NMNAT2: variants seen among roughly 807,000 people sequenced by gnomAD.
The protein encoded by NMNAT2 is nicotinamide/nicotinic acid mononucleotide adenylyltransferase 2.
NMNAT2 carries 11 observed loss-of-function variants against 41.6 expected under a neutral mutation model. That is an observed-to-expected ratio of 0.26 (90% CI 0.17 to 0.44). The LOEUF (loss-of-function observed/expected upper bound fraction) is 0.44. Among genes scored for constraint, NMNAT2 ranks in the 20% least tolerant of loss-of-function variants. The pLI, the probability that NMNAT2 is intolerant of heterozygous loss-of-function variation, is 1.00. For missense variants in NMNAT2, 288 were observed against 407.7 expected (o/e 0.71, Z 2.53); for synonymous variants, 148 against 151.2 (o/e 0.98, Z 0.16).
chr1:183,292,339 T>G (rs1661564940), intron 3 of NMNAT2, among the ~76,000 whole-genome samples: 1 of 152,234 alleles, frequency 6.6e-6, no homozygotes, highest in Non-Finnish European at 1.5e-5. Flanking sequence ...GGCCCGCACC[T>G]GTCTCCTGGG....
At chr1:183,303,810 G>C (rs949569102) in intron 1 of NMNAT2, among the ~76,000 whole-genome samples, 1 of 152,220 alleles carries the variant, frequency 6.6e-6, no homozygotes, top group South Asian at 2.1e-4. Context: ...GACCACAGGA[G>C]CCTACCATGC....
intron 1 of NMNAT2, among the ~76,000 whole-genome samples, chr1:183,342,987 C>T (rs1662852286): frequency 6.6e-6 from 1 of 151,996 alleles, no homozygotes; most frequent in African/African-American, 2.4e-5. Flanking sequence ...ATCCTCCCAC[C>T]TCAACCTCCC....
chr1:183,291,287 A>G (rs1309976845), intron 3 of NMNAT2, among the ~76,000 whole-genome samples: 5 of 151,888 alleles, frequency 3.3e-5, no homozygotes, highest in African/African-American at 9.7e-5. Context: ...CCCACCACAT[A>G]CACATGCCTA....
chr1:183,371,501 G>A (rs565881796), intron 1 of NMNAT2, among the ~76,000 whole-genome samples: 1 of 152,330 alleles, frequency 6.6e-6, no homozygotes, highest in Non-Finnish European at 1.5e-5. Flanking sequence ...TCCATCAGCT[G>A]TAATTAATGT....
rs141787476 is a variant in NMNAT2, at chr1:183,411,009, C to T, written c.85+7174G>A. On this transcript the variant is annotated intron_variant, in intron 1 of 10. Transcript: ENST00000287713. ...CTGGGATTACAGGTGTGAGCCACCA[C>T]GCCCAGCCAAGAATGCCTTTCTCTA... Among the ~76,000 whole-genome samples, 787 of 152,234 alleles carry T rather than the reference C, an allele frequency of 5.2e-3. 6 individuals are homozygous for T. Among genetic ancestry groups the T allele is most frequent in the African/African-American group, 0.018 (741 of 41,540 alleles).
intron 1 of NMNAT2, among the ~76,000 whole-genome samples, chr1:183,309,495 C>T (rs1386383828): frequency 6.6e-6 from 1 of 152,152 alleles, no homozygotes; most frequent in African/African-American, 2.4e-5. Flanking sequence ...AGATACGATA[C>T]TTGGCACGTT....
intron 1 of NMNAT2, among the ~76,000 whole-genome samples, chr1:183,406,391 T>C (rs1648954581): frequency 6.6e-6 from 1 of 152,162 alleles, no homozygotes; most frequent in Admixed American, 6.5e-5. Flanking sequence ...TGCATGGATC[T>C]CGAGGAAAAG....
chr1:183,358,333 A>G (rs1557888554), intron 1 of NMNAT2, among the ~76,000 whole-genome samples: 2 of 152,226 alleles, frequency 1.3e-5, no homozygotes, highest in East Asian at 3.8e-4. Context: ...TATCTGGGCA[A>G]TGAAATAACC....
At chr1:183,411,567 T>C (rs2485935) in intron 1 of NMNAT2, among the ~76,000 whole-genome samples, 1 of 151,892 alleles carries the variant, frequency 6.6e-6, no homozygotes, top group African/African-American at 2.4e-5. Context: ...GCCTCCCAAA[T>C]TGCTGGGATT....
chr1:183,359,297 A>G (rs145631571), intron 1 of NMNAT2, among the ~76,000 whole-genome samples: 51 of 152,284 alleles, frequency 3.3e-4, no homozygotes, highest in Non-Finnish European at 4.7e-4. Context: ...TAACAGACAT[A>G]TTTCGCTGCC....
chr1:183,296,598 C>T (rs763533435), intron 1 of NMNAT2, among the ~76,000 whole-genome samples: 25 of 152,016 alleles, frequency 1.6e-4, no homozygotes, highest in South Asian at 6.2e-4. Context: ...CTGCAACCTC[C>T]GCCTCCTGGG....
chr1:183,263,596 AT>A lies in NMNAT2; in HGVS notation c.652-2294del, dbSNP rs1178601872. 2.0e-5 allele frequency among the ~76,000 whole-genome samples: 3 copies of A among 152,312 alleles called. No individual in the cohort carries two copies. The East Asian group carries it at 5.8e-4, about 29-fold the overall frequency. On this transcript the variant is annotated intron_variant, in intron 8 of 10. Transcript: ENST00000287713. ...CACTTTGGGAGGCCAAGGCGGGTGG[AT>A]CACGAGGTCAGGAGATCGAGACCAC...
intron 8 of NMNAT2, among the ~76,000 whole-genome samples, chr1:183,261,609 G>A (rs1481910361): frequency 6.6e-6 from 1 of 152,188 alleles, no homozygotes; most frequent in African/African-American, 2.4e-5. Flanking sequence ...CTCCCGTTAA[G>A]TTCACAATGC....
intron 1 of NMNAT2, among the ~76,000 whole-genome samples, chr1:183,391,393 C>A (rs976714954): frequency 6.6e-6 from 1 of 152,168 alleles, no homozygotes; most frequent in Non-Finnish European, 1.5e-5. Context: ...TTTGGCTTGA[C>A]CCAATACCTA....
At chr1:183,255,672 T>A (rs1224552142) in intron 10 of NMNAT2, among the ~76,000 whole-genome samples, 3 of 148,468 alleles carry the variant, frequency 2.0e-5, no homozygotes, top group African/African-American at 7.7e-5. Flanking sequence ...GTTTTTTTTT[T>A]TTTTTTTTTC....
At chr1:183,260,374 T>C (rs1660625822) in intron 10 of NMNAT2, among the ~76,000 whole-genome samples, 1 of 152,226 alleles carries the variant, frequency 6.6e-6, no homozygotes, top group African/African-American at 2.4e-5. Context: ...ATTCTGAATA[T>C]TGGAATTTTT....
At chr1:183,294,083 T>A (rs149961138) in intron 1 of NMNAT2, among the ~76,000 whole-genome samples, 1 of 152,160 alleles carries the variant, frequency 6.6e-6, no homozygotes, top group Non-Finnish European at 1.5e-5. Flanking sequence ...AACAAGCGCC[T>A]CATTAGCAGC....
rs140720377 is a variant in NMNAT2, at chr1:183,399,429, C to T, written c.85+18754G>A. On this transcript the variant is annotated intron_variant, in intron 1 of 10. Coordinates refer to ENST00000287713, the MANE Select transcript of NMNAT2 (RefSeq NM_015039.4). ...ACTGAGGCAATAATTAATAGCCTACCAACCAAAAAAGTCCAGGATCAGAAG... is the reference window on the plus strand; with the variant it reads ...ACTGAGGCAATAATTAATAGCCTACTAACCAAAAAAGTCCAGGATCAGAAG... 3.2e-3 allele frequency among the ~76,000 whole-genome samples: 494 copies of T among 152,106 alleles called. 4 individuals carry two copies. The highest frequency in any genetic ancestry group is 0.01 in the African/African-American group (424 of 41,496).
rs551815446 is a variant in NMNAT2, at chr1:183,277,586, A to G, written c.651+967T>C. The stretch of plus-strand genomic sequence containing the variant: ...GTGTTGGAGTAGAACTTGAATCTTG[A>G]GCCTGACCCTGTCCTGCCCCTGTCC... On this transcript the variant is annotated intron_variant, in intron 8 of 10. Transcript: ENST00000287713. Among the ~76,000 whole-genome samples the G allele has an allele frequency of 2.0e-5, 3 of 150,742 alleles. No homozygotes were observed. The East Asian group carries it at 5.9e-4, about 29-fold the overall frequency.
Sources: allele counts gnomAD v4.1 joint callset (sites outside exome capture counted in the v4.1 genomes callset), GRCh38; gene constraint gnomAD v4.1.1; transcripts MANE v1.5; gene names NCBI Gene and HGNC (gene_info 2026-07-23, HGNC 2026-07-21).